Variants in KDM5A observed in about 807,000 individuals in gnomAD.
KDM5A encodes the protein lysine demethylase 5A.
Under a neutral mutation model 193.5 loss-of-function variants are expected in KDM5A, and 42 were observed. The ratio of observed to expected loss-of-function variants is 0.22; its 90% CI spans 0.17 to 0.28. The LOEUF (loss-of-function observed/expected upper bound fraction) is 0.28. Ranked by LOEUF, KDM5A falls within the 10% of genes least tolerant of loss-of-function variation. The pLI is 1.00. For synonymous variants in KDM5A, 796 were observed against 718.1 expected, an observed-to-expected ratio of 1.11 and a Z score of -1.73; for missense variants, 1,692 against 2,055.1, an observed-to-expected ratio of 0.82 and a Z score of 3.42.
rs1003026566 is a variant in KDM5A at position 284,018 on chromosome 12, A to G, written c.*1438T>C. ...TCCCAACAGACAGGGACAAGTCCCA[A>G]CACACAAAGGACATATAATTATCTA... On this transcript the variant is annotated 3_prime_UTR_variant, in exon 28 of 28. Transcript: ENST00000399788. 8.6e-6 allele frequency: 2 copies of G among 233,334 alleles called. No homozygotes were observed. Among genetic ancestry groups the G allele is most frequent in the Non-Finnish European group, 1.7e-5 (2 of 117,922 alleles). 14.5% of individuals were successfully genotyped at this position (233,334 alleles called of 1,614,324 possible). A position where few individuals can be genotyped will look rare whatever the true frequency, so the allele number is the denominator to read the frequency against.
At chr12:361,201 T>G (rs1055281120) in intron 5 of KDM5A, among the ~76,000 whole-genome samples, 1 of 152,026 alleles carries the variant, frequency 6.6e-6, no homozygotes, top group Non-Finnish European at 1.5e-5. Flanking sequence ...CCCCTCCATT[T>G]TTTTTTTTCT....
rs370557919 is a variant in KDM5A at position 310,974 on chromosome 12, C to T, written c.3127G>A (p.Val1043Met). The change falls in exon 21 of 28, where the codon GTG becomes ATG. Residue 1043 changes from valine to methionine, a missense_variant. By Grantham distance (21) the Val-to-Met change is conservative. Around this residue, in one of 11 missense-constraint regions of KDM5A, gnomAD observed 965 missense variants for 1,061.0 expected, o/e 0.91. Coordinates refer to ENST00000399788, the MANE Select transcript of KDM5A (RefSeq NM_001042603.3). The stretch of plus-strand genomic sequence containing the variant: ...CGTGCTGCTGCTACCTGTGATTCCA[C>T]TTGCGGCAGTGCTTCAAGACGCACA... ...IPVRLEALPQVESQVAAARAW... is the reference protein window; with the variant it reads ...IPVRLEALPQMESQVAAARAW... 4 of 1,614,228 alleles carry T rather than the reference C, an allele frequency of 2.5e-6. No individual in the cohort carries two copies. Among genetic ancestry groups the T allele is most frequent in the East Asian group, 2.2e-5 (1 of 44,886 alleles).
At chr12:322,162 G>A (rs1286873702) in intron 17 of KDM5A, 1 of 497,374 alleles carries the variant, frequency 2.0e-6, no homozygotes, top group Non-Finnish European at 3.6e-6. Context: ...TCCAAGCAGA[G>A]TAAAGAGAGC....
intron 10 of KDM5A, among the ~76,000 whole-genome samples, chr12:341,138 A>G: frequency 6.6e-6 from 1 of 152,232 alleles, no homozygotes; most frequent in East Asian, 1.9e-4. Flanking sequence ...CAATTTAAAA[A>G]TTCAGAACAG....
chr12:307,664 C>A lies in KDM5A; in HGVS notation c.3720G>T (p.Leu1240Phe), dbSNP rs768489569. The part of the protein sequence containing the change: ...LVSLQKLPVR[L>F]PEGEALQCLT... Reference sequence around the variant, plus strand: ...AACACTGCAGGGCCTCTCCTTCAGGCAACCGTACGGGCAACTTCTGAAGGG... The same window carrying A: ...AACACTGCAGGGCCTCTCCTTCAGGAAACCGTACGGGCAACTTCTGAAGGG... The change falls in exon 23 of 28, where the codon TTG (leucine) becomes TTT (phenylalanine). Residue 1240 changes from leucine (L) to phenylalanine (F), a missense_variant. Physicochemically the swap from Leu to Phe is conservative, Grantham distance 22. Around this residue, in one of 11 missense-constraint regions of KDM5A, gnomAD observed 965 missense variants for 1,061.0 expected, o/e 0.91. Coordinates refer to ENST00000399788, the MANE Select transcript of KDM5A (RefSeq NM_001042603.3). This position sits in a 1 kb window ranked among gnomAD's most constrained non-coding sequence, Gnocchi z 4.3. 2 of 1,614,204 alleles carry A rather than the reference C, an allele frequency of 1.2e-6. No homozygotes were observed. The highest frequency in any genetic ancestry group is 1.7e-6 in the Non-Finnish European group (2 of 1,180,030).
intron 14 of KDM5A, among the ~76,000 whole-genome samples, chr12:328,114 TTCATGGG>T (rs1943815593): frequency 6.6e-6 from 1 of 152,206 alleles, no homozygotes; most frequent in Non-Finnish European, 1.5e-5. Flanking sequence ...CAGCAATGGT[TTCATGGG>T]TATATACAGA....
intron 2 of KDM5A, among the ~76,000 whole-genome samples, chr12:385,584 C>T (rs1591945031): frequency 6.6e-6 from 1 of 152,038 alleles, no homozygotes; most frequent in South Asian, 2.1e-4. Context: ...TTTCCAAGAA[C>T]CGAGGGAGAA....
At chr12:324,528 A>C (rs943235985) in intron 14 of KDM5A, among the ~76,000 whole-genome samples, 5 of 152,222 alleles carry the variant, frequency 3.3e-5, no homozygotes, top group African/African-American at 1.2e-4. Context: ...ATTAAAATAT[A>C]ATATCAGCAT....
At chr12:363,121 A>C in intron 4 of KDM5A, 24 bp from the exon 5 acceptor site, 1 of 1,613,818 alleles carries the variant, frequency 6.2e-7, no homozygotes, top group East Asian at 2.2e-5. Flanking sequence ...GCACAGAAAG[A>C]GAGCAGGTTC....
chr12:320,810 T>A (rs1049397692), intron 18 of KDM5A, among the ~76,000 whole-genome samples, 185 bp downstream of exon 18: 2 of 151,860 alleles, frequency 1.3e-5, no homozygotes, highest in Non-Finnish European at 2.9e-5. Flanking sequence ...GAATTTTAAA[T>A]GGGGAATAAT....
intron 2 of KDM5A, 133 bp downstream of exon 2, chr12:385,764 T>C: frequency 1.4e-6 from 1 of 727,592 alleles, no homozygotes; most frequent in Non-Finnish European, 2.5e-6. Flanking sequence ...CCTCCAAACA[T>C]CAAGTAACTA....
In KDM5A at chr12:321,077, T is replaced by A; in HGVS notation, c.2459A>T (p.Lys820Ile). The A allele has an allele frequency of 6.2e-7, 1 of 1,614,052 alleles. No individual in the cohort carries two copies. The highest frequency in any genetic ancestry group is 8.5e-7 in the Non-Finnish European group (1 of 1,179,898). The change falls in exon 18 of 28, where the codon AAA becomes ATA. Residue 820 changes from lysine to isoleucine, a missense_variant. By Grantham distance (102) the Lys-to-Ile change is moderately radical. Around this residue, in one of 11 missense-constraint regions of KDM5A, gnomAD observed 965 missense variants for 1,061.0 expected, o/e 0.91. Coordinates refer to ENST00000399788, the MANE Select transcript of KDM5A (RefSeq NM_001042603.3). The stretch of plus-strand genomic sequence containing the variant: ...GGCCTTCAATTCTTCCACTGTCAGT[T>A]TGGTCCGAGTCCTCCCACTATCTGG... ...QSPDSGRTRT[K>I]LTVEELKAFV...
At chr12:316,138 A>G (rs779591491) in intron 19 of KDM5A, among the ~76,000 whole-genome samples, 1 of 152,256 alleles carries the variant, frequency 6.6e-6, no homozygotes, top group African/African-American at 2.4e-5. Flanking sequence ...GAGATCAAGA[A>G]GATTAAGGCT....
At chr12:335,228 G>A (rs1591918583) in intron 10 of KDM5A, among the ~76,000 whole-genome samples, 1 of 152,324 alleles carries the variant, frequency 6.6e-6, no homozygotes, top group East Asian at 1.9e-4. Context: ...TTTCACAGGG[G>A]CTTCTACTTG....
At chr12:290,538 A>T (rs1410027266) in intron 27 of KDM5A, among the ~76,000 whole-genome samples, 2 of 152,214 alleles carry the variant, frequency 1.3e-5, no homozygotes, top group Admixed American at 6.5e-5. Flanking sequence ...GATTTTGTTT[A>T]AAAAATACCT....
intron 3 of KDM5A, among the ~76,000 whole-genome samples, chr12:370,899 AATG>A (rs766482609): frequency 3.3e-4 from 50 of 152,242 alleles, no homozygotes; most frequent in Non-Finnish European, 5.4e-4. Context: ...GTTTGCTGAG[AATG>A]ATGGTTTCCA....
intron 2 of KDM5A, among the ~76,000 whole-genome samples, chr12:385,183 A>G (rs1944624960): frequency 7.3e-6 from 1 of 137,718 alleles, no homozygotes; most frequent in African/African-American, 2.7e-5. Flanking sequence ...ACTCTCTGGA[A>G]AAAAAAAAAA....
chr12:325,244 C>T (rs1286664796), intron 14 of KDM5A, among the ~76,000 whole-genome samples: 4 of 152,292 alleles, frequency 2.6e-5, no homozygotes, highest in Non-Finnish European at 5.9e-5. Context: ...TAAGAATTTA[C>T]TCAGCTTCAG....
chr12:318,866 CAGAGAATG>C (rs1209183707), intron 18 of KDM5A, among the ~76,000 whole-genome samples: 2 of 152,138 alleles, frequency 1.3e-5, no homozygotes, highest in Non-Finnish European at 2.9e-5. Flanking sequence ...GGCAGCACAA[CAGAGAATG>C]ACCAGAGTGG....
Sources: allele counts gnomAD v4.1 joint callset (sites outside exome capture counted in the v4.1 genomes callset), GRCh38; gene constraint gnomAD v4.1.1; regional missense constraint gnomAD v4.1.1; non-coding constraint Gnocchi (gnomAD v3.1); transcripts MANE v1.5; gene names NCBI Gene and HGNC (gene_info 2026-07-23, HGNC 2026-07-21).